Variants in TIMD4 observed in about 807,000 individuals in gnomAD.
The protein encoded by TIMD4 is T cell immunoglobulin and mucin domain containing 4.
Under a neutral mutation model 41.2 loss-of-function variants are expected in TIMD4, and 31 were observed. The observed-to-expected ratio is 0.75, with a 90% CI of 0.57 to 1.01. TIMD4 has a LOEUF of 1.01. TIMD4 is among the 50% of genes least tolerant of loss of function. The probability of loss-of-function intolerance (pLI) is 0.00; values close to 1 mark genes in which losing one functional copy is unlikely to be tolerated. For missense variants in TIMD4, 479 were observed against 472.5 expected (o/e 1.01, Z -0.13); for synonymous variants, 204 against 177.1 (o/e 1.15, Z -1.21).
chr5:156,951,119 A>T (rs10043428), intron 3 of TIMD4, among the ~76,000 whole-genome samples: 1 of 152,090 alleles, frequency 6.6e-6, no homozygotes, highest in African/African-American at 2.4e-5. Context: ...GCAAATGTAT[A>T]TTGAGATAGC....
chr5:156,959,844 A>G (rs1422191202), intron 1 of TIMD4, among the ~76,000 whole-genome samples: 1 of 152,138 alleles, frequency 6.6e-6, no homozygotes, highest in Non-Finnish European at 1.5e-5. Flanking sequence ...GTTCAAGACC[A>G]GCCTGGCCAA....
At chr5:156,933,460 C>T (rs1163133194) in intron 5 of TIMD4, among the ~76,000 whole-genome samples, 1 of 150,108 alleles carries the variant, frequency 6.7e-6, no homozygotes, top group African/African-American at 2.5e-5. Context: ...CCCCCCAACC[C>T]CCCCCCAAAA....
intron 7 of TIMD4, 113 bp from the exon 8 acceptor site, chr5:156,920,616 G>A: frequency 5.5e-6 from 6 of 1,089,598 alleles, no homozygotes; most frequent in Non-Finnish European, 8.3e-6. Flanking sequence ...CCAAAGGTGA[G>A]AACCAGTGGC....
Position 156,954,435 on chromosome 5 carries a change from A to C in TIMD4, c.380T>G (p.Val127Gly). The change falls in exon 2 of 9, where the codon GTG (valine) becomes GGG (glycine). Residue 127 changes from valine to glycine, a missense_variant. Transcript: ENST00000274532. ...CTTACCTCTCTGTAGATTCAGGCGC[A>C]CGTTTATCTTTACATCGTTGAACCA... ...PGWFNDVKIN[V>G]RLNLQRASTT... is the part of the protein sequence containing the mutation. 6.2e-7 allele frequency: 1 copy of C among 1,613,926 alleles called. No individual in the cohort carries two copies. Among genetic ancestry groups the C allele is most frequent in the African/African-American group, 1.3e-5 (1 of 75,044 alleles).
intron 8 of TIMD4, among the ~76,000 whole-genome samples, chr5:156,920,102 T>A (rs1759207010): frequency 6.6e-6 from 1 of 152,234 alleles, no homozygotes; most frequent in Non-Finnish European, 1.5e-5. Flanking sequence ...CATGCTTTTT[T>A]CATTTTCCAT....
Position 156,919,416 on chromosome 5 carries a change from G to A in TIMD4, c.*41C>T, listed in dbSNP as rs551481324. On this transcript the variant is annotated 3_prime_UTR_variant, in exon 9 of 9. Transcript: ENST00000274532. ...TACTAAGACTTATTTTGACACTGGAGTGTCATGCCCCCATCCTCAATCTAA... is the reference window on the plus strand; with the variant it reads ...TACTAAGACTTATTTTGACACTGGAATGTCATGCCCCCATCCTCAATCTAA... 3 of 1,535,250 alleles carry A rather than the reference G, an allele frequency of 2.0e-6. No homozygotes were observed. In the African/African-American group the frequency reaches 4.1e-5, roughly 21 times the overall value.
intron 5 of TIMD4, among the ~76,000 whole-genome samples, chr5:156,941,327 T>A (rs1308346736): frequency 2.6e-5 from 4 of 151,986 alleles, no homozygotes; most frequent in African/African-American, 7.3e-5. Context: ...CTAAAAAAAA[T>A]TAAAAAAATG....
At chr5:156,947,528 T>A (rs1244149105) in intron 5 of TIMD4, among the ~76,000 whole-genome samples, 1 of 152,176 alleles carries the variant, frequency 6.6e-6, no homozygotes. Context: ...AAGGAAACAT[T>A]GAAACAACCT....
chr5:156,924,476 T>A, intron 6 of TIMD4: 1 of 487,258 alleles, frequency 2.1e-6, no homozygotes, highest in Admixed American at 2.3e-5. Context: ...TTGGTTTTGC[T>A]GGCCTTGTTG....
At chr5:156,940,775 AG>A (rs1759634570) in intron 5 of TIMD4, among the ~76,000 whole-genome samples, 5 of 151,296 alleles carry the variant, frequency 3.3e-5, no homozygotes, top group Admixed American at 1.3e-4. Flanking sequence ...TCTGGGAGGT[AG>A]GGGGCACCCC....
chr5:156,938,816 C>G (rs1204560059), intron 5 of TIMD4, among the ~76,000 whole-genome samples: 3 of 152,158 alleles, frequency 2.0e-5, no homozygotes, highest in Admixed American at 6.5e-5. Flanking sequence ...CATGGTGACC[C>G]TGCTGCAGTA....
intron 5 of TIMD4, among the ~76,000 whole-genome samples, chr5:156,944,082 G>T (rs1489974813): frequency 1.3e-5 from 2 of 151,418 alleles, no homozygotes; most frequent in African/African-American, 4.8e-5. Flanking sequence ...AAGAAATAAA[G>T]AAATAAAATT....
intron 7 of TIMD4, among the ~76,000 whole-genome samples, chr5:156,921,421 G>C (rs568494817): frequency 6.6e-6 from 1 of 151,860 alleles, no homozygotes; most frequent in East Asian, 1.9e-4. Context: ...AGGAGTTTGA[G>C]TCCAACCTAG....
intron 5 of TIMD4, among the ~76,000 whole-genome samples, chr5:156,930,902 T>C (rs1759433955): frequency 6.6e-6 from 1 of 152,230 alleles, no homozygotes; most frequent in Non-Finnish European, 1.5e-5. Flanking sequence ...TTCTCTTCCA[T>C]GGCAAAAGAT....
intron 5 of TIMD4, among the ~76,000 whole-genome samples, chr5:156,946,258 C>T (rs559878012): frequency 6.6e-6 from 1 of 152,306 alleles, no homozygotes; most frequent in Non-Finnish European, 1.5e-5. Flanking sequence ...CCCACCCTTA[C>T]CCCATCCCAT....
intron 2 of TIMD4, among the ~76,000 whole-genome samples, chr5:156,953,881 G>A (rs1759911997): frequency 6.6e-6 from 1 of 152,062 alleles, no homozygotes; most frequent in Non-Finnish European, 1.5e-5. Flanking sequence ...AATTTTTGAA[G>A]TCCCACCATA....
chr5:156,949,209 G>T (rs2113379919), intron 4 of TIMD4, among the ~76,000 whole-genome samples: 1 of 152,220 alleles, frequency 6.6e-6, no homozygotes, highest in East Asian at 1.9e-4. Flanking sequence ...ATGAAAGAGT[G>T]ACCAATTCTC....
chr5:156,962,767 A>G (rs1430064842), intron 1 of TIMD4, among the ~76,000 whole-genome samples: 1 of 152,226 alleles, frequency 6.6e-6, no homozygotes, highest in Non-Finnish European at 1.5e-5. Context: ...AACAGAGGGA[A>G]TGATAAGAAT....
At chr5:156,936,210 G>C (rs1362429098) in intron 5 of TIMD4, among the ~76,000 whole-genome samples, 1 of 152,182 alleles carries the variant, frequency 6.6e-6, no homozygotes, top group Non-Finnish European at 1.5e-5. Context: ...CTGCACTCCA[G>C]CCTGAGCTGC....
Sources: gnomAD v4.1 joint callset for allele counts (sites outside exome capture counted in the v4.1 genomes callset) on GRCh38, gnomAD v4.1.1 for gene constraint, MANE v1.5 for transcripts, NCBI Gene and HGNC (gene_info 2026-07-23, HGNC 2026-07-21) for gene names.